Variants in IL19 observed in about 807,000 individuals in gnomAD.
IL19 encodes the protein interleukin 19, also known as interleukin-19.
In IL19, 15 loss-of-function variants were observed where a neutral mutation model predicts 19.5. The ratio of observed to expected loss-of-function variants is 0.77; its 90% CI spans 0.52 to 1.19. IL19 has a LOEUF of 1.19. Ranked by LOEUF, IL19 falls within the 50% of genes most tolerant of loss-of-function variation. IL19 has a pLI of 0.00. For synonymous variants in IL19, 78 were observed against 78.3 expected, an observed-to-expected ratio of 1.00 and a Z score of 0.02; for missense variants, 199 against 213.1, an observed-to-expected ratio of 0.93 and a Z score of 0.41.
At chr1:206,826,595 TC>T (rs939045006) in intron 2 of IL19, among the ~76,000 whole-genome samples, 1 of 152,124 alleles carries the variant, frequency 6.6e-6, no homozygotes, top group Non-Finnish European at 1.5e-5. Flanking sequence ...CACCCTCTCC[TC>T]CTCCCAGGGC....
intron 2 of IL19, among the ~76,000 whole-genome samples, chr1:206,815,488 C>T (rs1676131790): frequency 6.6e-6 from 1 of 152,158 alleles, no homozygotes; most frequent in Admixed American, 6.5e-5. Flanking sequence ...ATGTAGTTCT[C>T]TTTGGATTGG....
In IL19 at chr1:206,770,812, C is replaced by T; in HGVS notation, c.-415C>T. 3.3e-6 allele frequency: 4 copies of T among 1,207,736 alleles called. No individual in the cohort carries two copies. Among genetic ancestry groups the T allele is most frequent in the Non-Finnish European group, 4.9e-6 (4 of 808,222 alleles). The allele number at this position is 1,207,736 out of a possible 1,614,324, so 74.8% of individuals were successfully genotyped here. On this transcript the variant is annotated 5_prime_UTR_variant, in exon 1 of 7. Transcript: ENST00000659997. The stretch of plus-strand genomic sequence containing the variant: ...TACAGCTAGCTCTGCCAGTCTGTGT[C>T]TTTGCTGTGTCTGTGGATGTGAGTG...
intron 2 of IL19, among the ~76,000 whole-genome samples, chr1:206,822,128 G>A (rs186567094): frequency 2.0e-4 from 31 of 152,320 alleles, no homozygotes; most frequent in Admixed American, 1.5e-3. Flanking sequence ...ATTATTCTGG[G>A]CAAGGGGGAA....
chr1:206,842,600 A>G lies in IL19; in HGVS notation c.512A>G (p.His171Arg). The G allele has an allele frequency of 6.4e-7, 1 of 1,569,666 alleles. No homozygotes were observed. Among genetic ancestry groups the G allele is most frequent in the South Asian group, 1.2e-5 (1 of 85,584 alleles). ...DVFLAWINKN[H>R]EVMFSA ...TTTCTAGCCTGGATTAATAAGAATC[A>G]TGAAGTAATGTTCTCAGCTTGATGA... Residue 171 changes from histidine (H) to arginine (R), a missense_variant, in exon 7 of 7, where the codon CAT (histidine) becomes CGT (arginine). Coordinates refer to ENST00000659997, the MANE Select transcript of IL19 (RefSeq NM_153758.5).
chr1:206,782,120 CTA>C (rs1428765188), intron 1 of IL19, among the ~76,000 whole-genome samples: 1 of 150,724 alleles, frequency 6.6e-6, no homozygotes, highest in Non-Finnish European at 1.5e-5. Context: ...AAAATACCTC[CTA>C]TGACATCTTT....
chr1:206,782,367 A>G (rs983412499), intron 1 of IL19, among the ~76,000 whole-genome samples: 6 of 152,166 alleles, frequency 3.9e-5, no homozygotes, highest in South Asian at 4.2e-4. Flanking sequence ...CCCCTGGAAA[A>G]GGGAAGACCT....
At chr1:206,777,124 G>C (rs1189702844) in intron 1 of IL19, among the ~76,000 whole-genome samples, 1 of 151,312 alleles carries the variant, frequency 6.6e-6, no homozygotes, top group Admixed American at 6.6e-5. Flanking sequence ...CCAGCTACTC[G>C]GGAGGCTGAG....
chr1:206,834,884 C>T (rs1455768113), intron 2 of IL19, among the ~76,000 whole-genome samples: 1 of 152,162 alleles, frequency 6.6e-6, no homozygotes, highest in East Asian at 1.9e-4. Flanking sequence ...AGCTCAGGGA[C>T]TGGCCCGCCT....
intron 4 of IL19, 81 bp downstream of exon 4, chr1:206,837,104 T>C: frequency 9.0e-7 from 1 of 1,117,122 alleles, no homozygotes. Flanking sequence ...ATCCCTACCT[T>C]GTCCCCTTCT....
chr1:206,772,466 G>A, intron 1 of IL19: 1 of 1,612,248 alleles, frequency 6.2e-7, no homozygotes, highest in Non-Finnish European at 8.5e-7. Flanking sequence ...CTTGTGGTTT[G>A]GTTTTGCAAG....
chr1:206,795,051 G>T (rs1031124482), intron 1 of IL19, among the ~76,000 whole-genome samples: 11 of 152,176 alleles, frequency 7.2e-5, no homozygotes, highest in Non-Finnish European at 1.2e-4. Flanking sequence ...TGGCTGTTAT[G>T]CTCTGGCCCA....
chr1:206,821,866 C>T (rs371246782), intron 2 of IL19, among the ~76,000 whole-genome samples: 8 of 152,230 alleles, frequency 5.3e-5, no homozygotes, highest in Admixed American at 2.6e-4. Context: ...ATGAAAACTC[C>T]TCACACTTTG....
chr1:206,842,744 G>T lies in IL19; in HGVS notation c.*122G>T. 1 of 619,978 alleles carries T rather than the reference G, an allele frequency of 1.6e-6. No individual in the cohort carries two copies. 38.4% of individuals were successfully genotyped at this position (619,978 alleles called of 1,614,324 possible). On this transcript the variant is annotated 3_prime_UTR_variant, in exon 7 of 7. Transcript: ENST00000659997. ...CCCCTTGCAGCTGAAAGTCCCACTGGCTGGCCTCAGGCTGTCTTATTCCGC... is the reference window on the plus strand; with the variant it reads ...CCCCTTGCAGCTGAAAGTCCCACTGTCTGGCCTCAGGCTGTCTTATTCCGC...
intron 2 of IL19, among the ~76,000 whole-genome samples, chr1:206,801,422 G>C (rs75469122): frequency 2.0e-4 from 31 of 152,324 alleles, no homozygotes; most frequent in South Asian, 1.9e-3. Context: ...AAGGCCATTG[G>C]CACCTGGTCC....
chr1:206,796,578 C>G (rs953735319), intron 1 of IL19, among the ~76,000 whole-genome samples: 2 of 152,114 alleles, frequency 1.3e-5, no homozygotes, highest in African/African-American at 4.8e-5. Context: ...CTGTATTTTA[C>G]TATACCTTTT....
chr1:206,837,359 A>G (rs1351324438), intron 4 of IL19, among the ~76,000 whole-genome samples: 8 of 152,138 alleles, frequency 5.3e-5, no homozygotes, highest in Non-Finnish European at 2.9e-5. Context: ...AGGAGGTTGT[A>G]GATCAGTGAA....
intron 1 of IL19, among the ~76,000 whole-genome samples, chr1:206,778,879 T>A (rs547751484): frequency 6.6e-6 from 1 of 152,306 alleles, no homozygotes; most frequent in East Asian, 1.9e-4. Flanking sequence ...CATAAACATT[T>A]CTCTAATCTA....
chr1:206,838,311 C>G (rs969145115), intron 4 of IL19, among the ~76,000 whole-genome samples: 5 of 152,150 alleles, frequency 3.3e-5, no homozygotes, highest in Admixed American at 6.5e-5. Context: ...CTAGACAGAT[C>G]CAGTTTTGGG....
intron 1 of IL19, among the ~76,000 whole-genome samples, chr1:206,774,934 TAC>T (rs545819491): frequency 5.3e-5 from 8 of 151,276 alleles, no homozygotes; most frequent in Middle Eastern, 3.4e-3. Flanking sequence ...TGTGTGTAAA[TAC>T]ACACACACAC....
Sources: allele counts gnomAD v4.1 joint callset (sites outside exome capture counted in the v4.1 genomes callset), GRCh38; gene constraint gnomAD v4.1.1; transcripts MANE v1.5; gene names NCBI Gene and HGNC (gene_info 2026-07-23, HGNC 2026-07-21).